The following TXNDC11 variants were observed in gnomAD, a reference collection of about 807,000 sequenced individuals.
TXNDC11 encodes thioredoxin domain containing 11.
Under a neutral mutation model 78.0 loss-of-function variants are expected in TXNDC11, and 68 were observed. The observed-to-expected ratio is 0.87, with a 90% CI of 0.72 to 1.07. TXNDC11 has a LOEUF of 1.07. Among genes scored for constraint, TXNDC11 ranks in the 50% least tolerant of loss-of-function variants. The pLI, the probability that TXNDC11 is intolerant of heterozygous loss-of-function variation, is 0.00. For synonymous variants in TXNDC11, 571 were observed against 495.2 expected, an observed-to-expected ratio of 1.15 and a Z score of -2.03; for missense variants, 1,389 against 1,221.8, an observed-to-expected ratio of 1.14 and a Z score of -2.04.
intron 4 of TXNDC11, among the ~76,000 whole-genome samples, chr16:11,723,748 AT>A (rs2051788897): frequency 6.6e-6 from 1 of 152,142 alleles, no homozygotes; most frequent in South Asian, 2.1e-4. Flanking sequence ...TCATCTGGCA[AT>A]TTTACTTAAC....
chr16:11,728,347 T>C (rs1290302763), intron 4 of TXNDC11, among the ~76,000 whole-genome samples: 1 of 152,176 alleles, frequency 6.6e-6, no homozygotes, highest in Admixed American at 6.5e-5. Context: ...ATCTATCTCT[T>C]GCCAATGAGA....
chr16:11,699,691 G>C (rs985062943), intron 6 of TXNDC11, among the ~76,000 whole-genome samples: 4 of 152,272 alleles, frequency 2.6e-5, no homozygotes, highest in African/African-American at 9.6e-5. Context: ...GAAGGCACAA[G>C]ACTTAGACAT....
At chr16:11,742,108 A>C (rs2052414877) in intron 1 of TXNDC11, 1 of 244,866 alleles carries the variant, frequency 4.1e-6, no homozygotes, top group East Asian at 7.9e-5. Flanking sequence ...GTTGTGGATC[A>C]CTACACCTGA....
chr16:11,691,948 G>A lies in TXNDC11; in HGVS notation c.1242C>T (p.Asp414=). 6.2e-7 allele frequency: 1 copy of A among 1,611,572 alleles called. No homozygotes were observed. Among genetic ancestry groups the A allele is most frequent in the Non-Finnish European group, 8.5e-7 (1 of 1,177,986 alleles). The part of the protein sequence containing the change: ...LALEVPAQLP[D]PPTITASPCC... ...AGGGGGACGCTGTGATCGTTGGCGG[G>A]TCTGGCAGCTGTGCCGGCACTTCCA... Residue 414 remains aspartate, a synonymous_variant, in exon 8 of 12, where the codon GAC becomes GAT. Coordinates refer to ENST00000283033, the MANE Select transcript of TXNDC11 (RefSeq NM_015914.7).
At chr16:11,738,436 T>C (rs2052291527) in intron 1 of TXNDC11, among the ~76,000 whole-genome samples, 1 of 152,380 alleles carries the variant, frequency 6.6e-6, no homozygotes, top group East Asian at 1.9e-4. Flanking sequence ...CACTGCGTGT[T>C]GTCGAGGAGA....
chr16:11,742,541 C>G lies in TXNDC11; in HGVS notation c.190G>C (p.Glu64Gln). 4.1e-6 allele frequency: 6 copies of G among 1,460,556 alleles called. No homozygotes were observed. The highest frequency in any genetic ancestry group is 5.4e-6 in the Non-Finnish European group (6 of 1,113,682). The allele number at this position is 1,460,556 out of a possible 1,614,324, so 90.5% of individuals were successfully genotyped here. ...GAFLMARQRPELLCGAVALGC... is the reference protein window; with the variant it reads ...GAFLMARQRPQLLCGAVALGC... ...AGCGCCACGGCCCCGCAGAGCAGCTCCGGCCGCTGGCGCGCCATGAGGAAG... is the reference window on the plus strand; with the variant it reads ...AGCGCCACGGCCCCGCAGAGCAGCTGCGGCCGCTGGCGCGCCATGAGGAAG... The change falls in exon 1 of 12, where the codon GAG becomes CAG. Residue 64 changes from glutamate to glutamine, a missense_variant. Coordinates refer to ENST00000283033, the MANE Select transcript of TXNDC11 (RefSeq NM_015914.7).
intron 3 of TXNDC11, among the ~76,000 whole-genome samples, chr16:11,733,027 C>G (rs2052100258): frequency 6.6e-6 from 1 of 152,134 alleles, no homozygotes; most frequent in Non-Finnish European, 1.5e-5. Context: ...ACAGCAGGGT[C>G]TGGGCTGTAC....
chr16:11,682,755 GA>G (rs1453869463), intron 11 of TXNDC11, among the ~76,000 whole-genome samples: 1 of 152,138 alleles, frequency 6.6e-6, no homozygotes, highest in African/African-American at 2.4e-5. Context: ...TTCTTAGAAA[GA>G]AAAAGCCTCA....
intron 10 of TXNDC11, among the ~76,000 whole-genome samples, chr16:11,686,818 A>ATG (rs1567293422): frequency 2.6e-5 from 4 of 152,170 alleles, no homozygotes; most frequent in African/African-American, 9.7e-5. Flanking sequence ...GGGAGGCTGG[A>ATG]GTATGAATGC....
chr16:11,727,327 CA>C (rs906432855), intron 4 of TXNDC11, among the ~76,000 whole-genome samples: 4 of 146,646 alleles, frequency 2.7e-5, no homozygotes, highest in Admixed American at 1.4e-4. Context: ...CTAAGTCAAG[CA>C]AAAAAAAACC....
intron 5 of TXNDC11, among the ~76,000 whole-genome samples, chr16:11,707,811 G>A (rs1025725374): frequency 6.6e-6 from 1 of 151,918 alleles, no homozygotes; most frequent in Non-Finnish European, 1.5e-5. Flanking sequence ...GCTGGGTATG[G>A]TAGCTCACAT....
At chr16:11,685,144 G>GT (rs1356146939) in intron 10 of TXNDC11, among the ~76,000 whole-genome samples, 2 of 152,124 alleles carry the variant, frequency 1.3e-5, no homozygotes, top group Non-Finnish European at 2.9e-5. Flanking sequence ...TGGGTGGACT[G>GT]TTTGAGCCCA....
intron 4 of TXNDC11, among the ~76,000 whole-genome samples, chr16:11,722,826 A>G (rs2051749653): frequency 6.6e-6 from 1 of 152,218 alleles, no homozygotes; most frequent in African/African-American, 2.4e-5. Context: ...ATCTGTTGGT[A>G]AAGTTTAAAA....
intron 10 of TXNDC11, 67 bp downstream of exon 10, chr16:11,687,790 G>A: frequency 9.1e-7 from 1 of 1,101,734 alleles, no homozygotes; most frequent in Non-Finnish European, 1.4e-6. Flanking sequence ...CACACCATAT[G>A]GCTAAGCTGC....
intron 5 of TXNDC11, among the ~76,000 whole-genome samples, chr16:11,716,080 A>G (rs1040161127): frequency 2.6e-5 from 4 of 152,240 alleles, no homozygotes; most frequent in Admixed American, 6.5e-5. Context: ...AAAGATAAAC[A>G]AACACAAACA....
At chr16:11,697,400 T>G (rs2050887539) in intron 7 of TXNDC11, among the ~76,000 whole-genome samples, 1 of 152,122 alleles carries the variant, frequency 6.6e-6, no homozygotes, top group Non-Finnish European at 1.5e-5. Context: ...AATAAAAACC[T>G]CAGTAAATGC....
intron 5 of TXNDC11, among the ~76,000 whole-genome samples, chr16:11,710,486 G>A (rs961596048): frequency 1.3e-5 from 2 of 152,332 alleles, no homozygotes; most frequent in East Asian, 1.9e-4. Flanking sequence ...TTTAACAGAT[G>A]GGGAACCTGA....
Position 11,721,859 on chromosome 16 carries a change from A to C in TXNDC11, c.700-189T>G, listed in dbSNP as rs774205449. Among the ~76,000 whole-genome samples, 68 of 152,204 alleles carry C rather than the reference A, an allele frequency of 4.5e-4. 3 individuals carry two copies. Among genetic ancestry groups the C allele is most frequent in the Non-Finnish European group, 6.2e-4 (42 of 68,040 alleles). On this transcript the variant is annotated intron_variant, in intron 4 of 11. Transcript: ENST00000283033. ...TGAACATCCCCTCCATTTAAACAAC[A>C]AACAGGGTAAGGGATGGAGTTGCAG...
rs751659956 is a variant in TXNDC11, at chr16:11,691,763, T to C, written c.1427A>G (p.Tyr476Cys). Residue 476 changes from tyrosine (Y) to cysteine (C), a missense_variant, in exon 8 of 12, where the codon TAC (tyrosine) becomes TGC (cysteine). Transcript: ENST00000283033. Reference protein sequence around the residue: ...FEMAAALDSFYLKEQTFYHVA... With the variant: ...FEMAAALDSFCLKEQTFYHVA... ...ATGATAAAAGGTCTGCTCCTTGAGG[T>C]AGAAAGAATCCAGAGCTGCTGCCAT... 1.2e-6 allele frequency: 2 copies of C among 1,614,200 alleles called. No individual in the cohort carries two copies. The highest frequency in any genetic ancestry group is 1.3e-5 in the African/African-American group (1 of 75,046).
Sources: gnomAD v4.1 joint callset for allele counts (sites outside exome capture counted in the v4.1 genomes callset) on GRCh38, gnomAD v4.1.1 for gene constraint, MANE v1.5 for transcripts, NCBI Gene and HGNC (gene_info 2026-07-23, HGNC 2026-07-21) for gene names.